Variants in ACTR3C observed in about 807,000 individuals in gnomAD.
The protein encoded by ACTR3C is actin-related protein 3C.
A neutral mutation model predicts 26.3 loss-of-function variants in ACTR3C; 18 were observed. That is an observed-to-expected ratio of 0.68 (90% CI 0.47 to 1.01). The LOEUF (loss-of-function observed/expected upper bound fraction) is 1.01, where lower values mean the gene tolerates loss of function less well. Ranked by LOEUF, ACTR3C falls within the 50% of genes least tolerant of loss-of-function variation. The probability of loss-of-function intolerance (pLI) is 0.00; values close to 1 mark genes in which losing one functional copy is unlikely to be tolerated. For synonymous variants in ACTR3C, 55 were observed against 94.5 expected (o/e 0.58, Z 2.42); for missense variants, 184 against 250.7 (o/e 0.73, Z 1.80).
chr7:149,940,515 G>C, the ACTR3C span, among the ~76,000 whole-genome samples: 3 of 151,998 alleles, frequency 2.0e-5, no homozygotes, highest in Admixed American at 1.3e-4. Flanking sequence ...TTGGGAGAGG[G>C]TATATTAATG....
chr7:149,990,118 C>T, the ACTR3C span, among the ~76,000 whole-genome samples: 4 of 152,122 alleles, frequency 2.6e-5, no homozygotes, highest in Non-Finnish European at 5.9e-5. Flanking sequence ...AGCCTCTTTT[C>T]TCTCCAGGGA....
intron 6 of ACTR3C, chr7:150,264,520 C>CA (rs1791142579): frequency 2.3e-6 from 2 of 880,622 alleles, no homozygotes; most frequent in South Asian, 5.3e-5. Flanking sequence ...AGAAAAAGGG[C>CA]AAAAAATGAA....
At chr7:149,907,473 TTCTCTTCTCTCTC>T in the ACTR3C span, among the ~76,000 whole-genome samples, 8 of 109,970 alleles carry the variant, frequency 7.3e-5, no homozygotes, top group Middle Eastern at 4.6e-3. Context: ...CTTGCCTCTC[TTCTCTTCTCTCTC>T]TCTCTCTCTC....
At chr7:150,187,119 T>G in the ACTR3C span, among the ~76,000 whole-genome samples, 2 of 151,734 alleles carry the variant, frequency 1.3e-5, no homozygotes, top group Admixed American at 6.6e-5. Context: ...TGCAAGACAC[T>G]GTTCTCTTTT....
chr7:149,963,847 G>A, the ACTR3C span, among the ~76,000 whole-genome samples: 1 of 152,158 alleles, frequency 6.6e-6, no homozygotes, highest in African/African-American at 2.4e-5. Flanking sequence ...CCATTTCTAA[G>A]GCCTCTGACA....
At chr7:149,979,992 T>G in the ACTR3C span, among the ~76,000 whole-genome samples, 3 of 151,810 alleles carry the variant, frequency 2.0e-5, no homozygotes, top group Non-Finnish European at 4.4e-5. Context: ...GAGCTTAGAA[T>G]TTGGTTTTCT....
the ACTR3C span, among the ~76,000 whole-genome samples, chr7:149,961,879 A>G: frequency 6.6e-6 from 1 of 151,976 alleles, no homozygotes; most frequent in Non-Finnish European, 1.5e-5. Flanking sequence ...GGCTCACAGG[A>G]GGTAAACACA....
At chr7:150,198,012 G>A in the ACTR3C span, among the ~76,000 whole-genome samples, 3 of 151,268 alleles carry the variant, frequency 2.0e-5, no homozygotes, top group South Asian at 2.1e-4. Flanking sequence ...GCGCCGCCAC[G>A]CCTGACTGGT....
intron 1 of ACTR3C, among the ~76,000 whole-genome samples, chr7:150,319,765 A>T (rs1585023954): frequency 2.0e-5 from 3 of 152,204 alleles, no homozygotes; most frequent in Admixed American, 1.3e-4. Flanking sequence ...CCCGAGACAG[A>T]GTTAGCAGCT....
chr7:150,320,687 C>T (rs1464450860), intron 1 of ACTR3C, among the ~76,000 whole-genome samples: 3 of 152,160 alleles, frequency 2.0e-5, no homozygotes, highest in East Asian at 1.9e-4. Flanking sequence ...CACTTGAACC[C>T]GGGAGGCAGA....
chr7:150,013,993 G>A, the ACTR3C span, among the ~76,000 whole-genome samples: 1 of 152,176 alleles, frequency 6.6e-6, no homozygotes, highest in Non-Finnish European at 1.5e-5. Context: ...CTGCCAACCT[G>A]AGTGGCTGGG....
the ACTR3C span, among the ~76,000 whole-genome samples, chr7:150,128,008 A>T: frequency 6.6e-6 from 1 of 151,044 alleles, no homozygotes; most frequent in East Asian, 1.9e-4. Flanking sequence ...ATACTAATAC[A>T]ATACTGAGGC....
chr7:150,068,782 CAA>C, the ACTR3C span, among the ~76,000 whole-genome samples: 11 of 76,736 alleles, frequency 1.4e-4, no homozygotes, highest in Non-Finnish European at 1.9e-4. Flanking sequence ...GACTCCGTCC[CAA>C]AAAAAAAAAA....
the ACTR3C span, among the ~76,000 whole-genome samples, chr7:149,924,401 G>C: frequency 6.6e-6 from 1 of 152,080 alleles, no homozygotes; most frequent in Non-Finnish European, 1.5e-5. Context: ...AAGAACATTC[G>C]CAAACCCTCT....
chr7:149,986,088 C>G, the ACTR3C span, among the ~76,000 whole-genome samples: 2 of 151,872 alleles, frequency 1.3e-5, no homozygotes, highest in African/African-American at 4.8e-5. Flanking sequence ...ACTTCTAGAT[C>G]TTGTCCTGGG....
chr7:150,181,355 G>GAA, the ACTR3C span, among the ~76,000 whole-genome samples: 1 of 138,520 alleles, frequency 7.2e-6, no homozygotes, highest in South Asian at 2.2e-4. Flanking sequence ...CTGAAGATAG[G>GAA]AAAAAAAAAA....
the ACTR3C span, among the ~76,000 whole-genome samples, chr7:150,046,942 G>T: frequency 6.6e-6 from 1 of 152,162 alleles, no homozygotes; most frequent in Non-Finnish European, 1.5e-5. Context: ...GCTGGGAGGG[G>T]AGACAGACAC....
chr7:150,076,041 G>A, the ACTR3C span, among the ~76,000 whole-genome samples: 1 of 152,072 alleles, frequency 6.6e-6, no homozygotes, highest in African/African-American at 2.4e-5. Context: ...CTCAATCAGG[G>A]AGTGCCATGA....
chr7:149,897,870 T>C, the ACTR3C span, among the ~76,000 whole-genome samples: 58 of 151,284 alleles, frequency 3.8e-4, no homozygotes, highest in Non-Finnish European at 5.0e-4. Context: ...AAAGTGAGAC[T>C]CCATCTCAAA....
Sources: allele counts gnomAD v4.1 joint callset (sites outside exome capture counted in the v4.1 genomes callset), GRCh38; gene constraint gnomAD v4.1.1; transcripts MANE v1.5; gene names NCBI Gene and HGNC (gene_info 2026-07-23, HGNC 2026-07-21).